Variants in STARD3NL observed in about 807,000 individuals in gnomAD.
STARD3NL encodes the protein STARD3 N-terminal like.
In STARD3NL, 17 loss-of-function variants were observed where a neutral mutation model predicts 30.9. The ratio of observed to expected loss-of-function variants is 0.55; its 90% CI spans 0.38 to 0.82. The LOEUF is 0.82. Among genes scored for constraint, STARD3NL ranks in the 40% least tolerant of loss-of-function variants. The pLI, the probability that STARD3NL is intolerant of heterozygous loss-of-function variation, is 0.00. For synonymous variants in STARD3NL, 112 were observed against 100.5 expected (o/e 1.11, Z -0.69); for missense variants, 234 against 277.6 (o/e 0.84, Z 1.12).
intron 2 of STARD3NL, 116 bp downstream of exon 2, chr7:38,207,845 GA>G: frequency 1.0e-6 from 1 of 995,440 alleles, no homozygotes; most frequent in Non-Finnish European, 1.5e-6. Context: ...TTTTCCAAAT[GA>G]AGCCATTGCT....
At chr7:38,224,638 C>T (rs1013173670) in intron 7 of STARD3NL, among the ~76,000 whole-genome samples, 1 of 152,194 alleles carries the variant, frequency 6.6e-6, no homozygotes, top group African/African-American at 2.4e-5. Flanking sequence ...TATGCACTGC[C>T]CACCTGGTAG....
intron 1 of STARD3NL, among the ~76,000 whole-genome samples, chr7:38,183,406 T>C (rs190362260): frequency 6.6e-6 from 1 of 152,348 alleles, no homozygotes; most frequent in African/African-American, 2.4e-5. Context: ...GTACCTCCTC[T>C]AGTCCATGTC....
In STARD3NL at chr7:38,203,946, G is replaced by C. The variant is rs567419433; in HGVS notation, c.-58-3501G>C. Among the ~76,000 whole-genome samples, 304 of 152,286 alleles carry C rather than the reference G, an allele frequency of 2.0e-3. 5 individuals carry two copies. In the East Asian group the frequency reaches 0.051, roughly 25 times the overall value. ...AGAGCTAACTATCCTAAATATATAT[G>C]CACCCAATACAGGAGCACCCAGATT... On this transcript the variant is annotated intron_variant, in intron 1 of 8. Coordinates refer to ENST00000009041, the MANE Select transcript of STARD3NL (RefSeq NM_032016.4).
At chr7:38,220,245 C>A (rs1786374955) in intron 7 of STARD3NL, among the ~76,000 whole-genome samples, 1 of 152,158 alleles carries the variant, frequency 6.6e-6, no homozygotes, top group Non-Finnish European at 1.5e-5. Flanking sequence ...AACCAGCAAC[C>A]AGAGTGCTCT....
chr7:38,223,089 A>C (rs972731128), intron 7 of STARD3NL, among the ~76,000 whole-genome samples: 13 of 152,016 alleles, frequency 8.6e-5, no homozygotes, highest in Middle Eastern at 3.4e-3. Flanking sequence ...TTCCTCCACC[A>C]CCTAATACAG....
intron 4 of STARD3NL, chr7:38,215,852 G>C (rs1295340553): frequency 6.6e-6 from 1 of 152,302 alleles, no homozygotes; most frequent in Non-Finnish European, 1.5e-5. Flanking sequence ...CCAGGCCTGG[G>C]TTTCTCCAGC....
At chr7:38,181,644 T>C (rs997101834) in intron 1 of STARD3NL, among the ~76,000 whole-genome samples, 1 of 152,222 alleles carries the variant, frequency 6.6e-6, no homozygotes, top group South Asian at 2.1e-4. Context: ...AGTATCTTCT[T>C]TTTTAAATAT....
At chr7:38,187,885 A>G (rs1336512461) in intron 1 of STARD3NL, among the ~76,000 whole-genome samples, 1 of 152,112 alleles carries the variant, frequency 6.6e-6, no homozygotes, top group African/African-American at 2.4e-5. Flanking sequence ...CTCAAGCTCT[A>G]AATTTTGCAG....
chr7:38,206,247 G>C (rs188174306), intron 1 of STARD3NL, among the ~76,000 whole-genome samples: 1 of 152,312 alleles, frequency 6.6e-6, no homozygotes. Context: ...CATTGTGGCA[G>C]AAAGAAAGGA....
intron 1 of STARD3NL, among the ~76,000 whole-genome samples, chr7:38,192,942 T>G (rs1223395972): frequency 6.6e-6 from 1 of 150,382 alleles, no homozygotes; most frequent in East Asian, 1.9e-4. Flanking sequence ...ACATTGTTGT[T>G]GGTTTTTTTT....
chr7:38,219,147 A>G (rs1786298683), intron 6 of STARD3NL, among the ~76,000 whole-genome samples: 1 of 152,186 alleles, frequency 6.6e-6, no homozygotes, highest in African/African-American at 2.4e-5. Flanking sequence ...ACTGGGCTCA[A>G]GCAATCCTCC....
chr7:38,223,615 C>T (rs1786591664), intron 7 of STARD3NL, among the ~76,000 whole-genome samples: 1 of 152,076 alleles, frequency 6.6e-6, no homozygotes, highest in Admixed American at 6.5e-5. Context: ...CTTCTGGTTG[C>T]CCCATATAGT....
At chr7:38,220,757 T>C (rs1786409268) in intron 7 of STARD3NL, among the ~76,000 whole-genome samples, 1 of 152,146 alleles carries the variant, frequency 6.6e-6, no homozygotes, top group Non-Finnish European at 1.5e-5. Context: ...TGTCAGCAGA[T>C]GGGTGGATAA....
At chr7:38,214,238 G>A (rs773441198) in intron 2 of STARD3NL, 119 bp from the exon 3 acceptor site, 5 of 622,730 alleles carry the variant, frequency 8.0e-6, no homozygotes, top group Non-Finnish European at 1.1e-5. Flanking sequence ...TCTTTTCTTC[G>A]CACTTTAGCA....
intron 6 of STARD3NL, among the ~76,000 whole-genome samples, chr7:38,217,727 A>G (rs113067672): frequency 6.6e-6 from 1 of 152,350 alleles, no homozygotes; most frequent in African/African-American, 2.4e-5. Context: ...AGTGGAAGCA[A>G]CTATTCTAAA....
At chr7:38,201,282 T>G (rs1295640341) in intron 1 of STARD3NL, among the ~76,000 whole-genome samples, 1 of 152,230 alleles carries the variant, frequency 6.6e-6, no homozygotes, top group Non-Finnish European at 1.5e-5. Context: ...CAGTTACACA[T>G]ATACATATGA....
intron 1 of STARD3NL, among the ~76,000 whole-genome samples, chr7:38,184,164 A>G (rs1434316410): frequency 6.6e-6 from 1 of 152,194 alleles, no homozygotes; most frequent in South Asian, 2.1e-4. Context: ...TGGTCAGAGA[A>G]AGTTTCATCC....
rs1322234365 is a variant in STARD3NL, at chr7:38,230,410, A to G, written c.*505A>G. 1 of 152,616 alleles carries G rather than the reference A, an allele frequency of 6.6e-6. No homozygotes were observed. The highest frequency in any genetic ancestry group is 1.5e-5 in the Non-Finnish European group (1 of 68,032). 9.5% of individuals were successfully genotyped at this position (152,616 alleles called of 1,614,324 possible). A position where few individuals can be genotyped will look rare whatever the true frequency, so the allele number is the denominator to read the frequency against. ...AAGTGTAATAAAATCTGACATGTCA[A>G]TGTGGCTAGTTTTATTTTTCTTGTT... On this transcript the variant is annotated 3_prime_UTR_variant, in exon 9 of 9. Coordinates refer to ENST00000009041, the MANE Select transcript of STARD3NL (RefSeq NM_032016.4).
intron 1 of STARD3NL, among the ~76,000 whole-genome samples, chr7:38,190,937 T>C (rs1784662698): frequency 6.6e-6 from 1 of 152,200 alleles, no homozygotes; most frequent in Admixed American, 6.5e-5. Context: ...TATATAGTTC[T>C]TGTTGCAACG....
Sources: allele counts gnomAD v4.1 joint callset (sites outside exome capture counted in the v4.1 genomes callset), GRCh38; gene constraint gnomAD v4.1.1; transcripts MANE v1.5; gene names NCBI Gene and HGNC (gene_info 2026-07-23, HGNC 2026-07-21).